HIVEP3: variants seen among roughly 807,000 people sequenced by gnomAD.
HIVEP3 encodes the protein HIVEP zinc finger 3.
HIVEP3 carries 49 observed loss-of-function variants against 152.8 expected under a neutral mutation model. That is an observed-to-expected ratio of 0.32 (90% CI 0.26 to 0.41). The LOEUF is 0.41. Among genes scored for constraint, HIVEP3 ranks in the 10% least tolerant of loss-of-function variants. The pLI, the probability that HIVEP3 is intolerant of heterozygous loss-of-function variation, is 1.00. For synonymous variants in HIVEP3, 1,269 were observed against 1,289.0 expected, an observed-to-expected ratio of 0.98 and a Z score of 0.33; for missense variants, 2,790 against 3,103.3, an observed-to-expected ratio of 0.90 and a Z score of 2.40.
At chr1:41,919,780 C>A (rs887229100), upstream of HIVEP3, among the ~76,000 whole-genome samples, 4 of 152,148 alleles carry the variant, frequency 2.6e-5, no homozygotes, top group Non-Finnish European at 5.9e-5. Context: ...GTGTTTACTG[C>A]AGTTTTGTTC....
At chr1:41,529,000 T>C (rs1329334964) in intron 5 of HIVEP3, among the ~76,000 whole-genome samples, 2 of 93,110 alleles carry the variant, frequency 2.1e-5, no homozygotes, top group Non-Finnish European at 4.3e-5. Context: ...TTCACATCCC[T>C]GCCCTCACAC....
intron 1 of HIVEP3, among the ~76,000 whole-genome samples, chr1:41,759,142 A>G (rs1240958869): frequency 1.3e-5 from 2 of 149,062 alleles, no homozygotes; most frequent in Non-Finnish European, 3.0e-5. Flanking sequence ...TCTGCTTTCT[A>G]TTAGGTTGGT....
chr1:41,899,315 T>C (rs1291788842), intron 1 of HIVEP3, among the ~76,000 whole-genome samples: 1 of 152,238 alleles, frequency 6.6e-6, no homozygotes, highest in East Asian at 1.9e-4. Context: ...GAGTAGGATG[T>C]CTACCTAAAA....
intron 1 of HIVEP3, among the ~76,000 whole-genome samples, chr1:41,946,906 C>T (rs750562332): frequency 3.3e-5 from 5 of 152,100 alleles, no homozygotes; most frequent in Non-Finnish European, 7.4e-5. Flanking sequence ...AGAAACCCAA[C>T]GGACAGTGGA....
intron 1 of HIVEP3, among the ~76,000 whole-genome samples, chr1:41,841,989 A>G (rs1157187149): frequency 6.6e-6 from 1 of 152,102 alleles, no homozygotes; most frequent in Non-Finnish European, 1.5e-5. Flanking sequence ...GCTACTCAGG[A>G]GGCTGAGGCA....
chr1:41,506,814 C>T lies in HIVEP3; in HGVS notation c.*3637G>A, dbSNP rs765318022. The T allele has an allele frequency of 6.6e-5, 10 of 152,044 alleles. No individual in the cohort carries two copies. The highest frequency in any genetic ancestry group is 9.7e-5 in the African/African-American group (4 of 41,386). 9.4% of individuals were successfully genotyped at this position (152,044 alleles called of 1,614,324 possible). On this transcript the variant is annotated 3_prime_UTR_variant, in exon 9 of 9. Coordinates refer to ENST00000372583, the MANE Select transcript of HIVEP3 (RefSeq NM_024503.5). Reference sequence around the variant, plus strand: ...TACAGACAATTTCACATACAGAATACGTACACCTTTTAGAAAAAAAGGCAA... The same window carrying T: ...TACAGACAATTTCACATACAGAATATGTACACCTTTTAGAAAAAAAGGCAA...
In HIVEP3 at chr1:41,837,194, T is replaced by C. The variant is rs79763599; in HGVS notation, c.-801+81219A>G. On this transcript the variant is annotated intron_variant, in intron 1 of 8. Transcript: ENST00000372583. Reference sequence around the variant, plus strand: ...TGCTAGGAATACTCTTCCCGACACATCTGCACAGCTGCTTCCATCTCATTT... The same window carrying C: ...TGCTAGGAATACTCTTCCCGACACACCTGCACAGCTGCTTCCATCTCATTT... Among the ~76,000 whole-genome samples the C allele has an allele frequency of 8.7e-4, 132 of 152,310 alleles. 1 individual carries two copies. In the East Asian group the frequency reaches 0.024, roughly 28 times the overall value.
intron 1 of HIVEP3, among the ~76,000 whole-genome samples, chr1:41,902,204 C>T (rs183968297): frequency 1.1e-3 from 172 of 152,254 alleles, no homozygotes; most frequent in African/African-American, 3.8e-3. Flanking sequence ...GAATTTGAGG[C>T]ATTTTCTGGT....
chr1:41,819,574 C>G (rs189608781), intron 1 of HIVEP3, among the ~76,000 whole-genome samples: 18 of 152,246 alleles, frequency 1.2e-4, no homozygotes, highest in African/African-American at 4.1e-4. Flanking sequence ...GAAATTCATT[C>G]AAATATATAA....
intron 1 of HIVEP3, among the ~76,000 whole-genome samples, chr1:41,736,937 C>T (rs1238513278): frequency 6.6e-6 from 1 of 152,152 alleles, no homozygotes; most frequent in African/African-American, 2.4e-5. Context: ...TATAGTCACT[C>T]CAGGGCTGAC....
chr1:41,798,905 G>A (rs142697268), intron 1 of HIVEP3, among the ~76,000 whole-genome samples: 1 of 152,078 alleles, frequency 6.6e-6, no homozygotes, highest in Admixed American at 6.5e-5. Flanking sequence ...ATATCATGTA[G>A]GGTTGGGTTA....
intron 5 of HIVEP3, among the ~76,000 whole-genome samples, chr1:41,566,384 G>A (rs1380035969): frequency 1.3e-5 from 2 of 152,070 alleles, no homozygotes; most frequent in Non-Finnish European, 2.9e-5. Context: ...GCCCCTGCAG[G>A]TCCCCAGGGC....
intron 2 of HIVEP3, among the ~76,000 whole-genome samples, chr1:41,694,648 C>G (rs782656): frequency 0.012 from 1,767 of 152,302 alleles, 21 homozygotes; most frequent in African/African-American, 0.04. Flanking sequence ...GTGCAACATG[C>G]CCCAACACCT....
rs1644400914 is a variant in HIVEP3 at position 41,581,215 on chromosome 1, G to GCCAGTT, written c.3582_3583insAACTGG (p.Gln1194_Pro1195insAsnTrp). ...AGTTGGCCTGGGTGCAGAACAGTAG[G>GCCAGTT]CTGGAGAGGAAGCGGTGGGGCTTGA... On this transcript the variant is annotated inframe_insertion, in exon 4 of 9. Coordinates refer to ENST00000372583, the MANE Select transcript of HIVEP3 (RefSeq NM_024503.5). This position sits in a 1 kb window ranked among gnomAD's most constrained non-coding sequence, Gnocchi z 4.5. 1 of 1,571,332 alleles carries GCCAGTT rather than the reference G, an allele frequency of 6.4e-7. No homozygotes were observed. Among genetic ancestry groups the GCCAGTT allele is most frequent in the Non-Finnish European group, 8.6e-7 (1 of 1,158,496 alleles).
intron 5 of HIVEP3, among the ~76,000 whole-genome samples, chr1:41,565,551 C>CAG (rs1471611374): frequency 5.7e-4 from 77 of 134,254 alleles, no homozygotes; most frequent in Middle Eastern, 3.5e-3. Flanking sequence ...CACACACACA[C>CAG]ACACAGAGAG....
rs187921927 is a variant in HIVEP3 at position 41,750,790 on chromosome 1, C to T, written c.-800-49795G>A. ...CTCAGCTCACTGCAACCTCTGCCTC[C>T]TGGATTCAAGTGATTCTCCTGCCTC... On this transcript the variant is annotated intron_variant, in intron 1 of 8. Transcript: ENST00000372583. 2.6e-5 allele frequency among the ~76,000 whole-genome samples: 4 copies of T among 152,200 alleles called. No individual in the cohort carries two copies. In the East Asian group the frequency reaches 5.8e-4, roughly 22 times the overall value.
At chr1:41,815,553 G>C (rs1478247648) in intron 1 of HIVEP3, among the ~76,000 whole-genome samples, 1 of 152,144 alleles carries the variant, frequency 6.6e-6, no homozygotes, top group African/African-American at 2.4e-5. Context: ...AGGTAGGAAT[G>C]GGAATGGTCA....
chr1:41,898,542 G>T (rs912342555), intron 1 of HIVEP3, among the ~76,000 whole-genome samples: 1 of 152,248 alleles, frequency 6.6e-6, no homozygotes, highest in African/African-American at 2.4e-5. Flanking sequence ...GGGCTGAGAT[G>T]CATCTTCAGG....
intron 5 of HIVEP3, among the ~76,000 whole-genome samples, chr1:41,530,579 A>C (rs1643215700): frequency 6.6e-6 from 1 of 152,030 alleles, no homozygotes; most frequent in African/African-American, 2.4e-5. Context: ...ACTAGCCTTC[A>C]CCTGGCCTTG....
Sources: allele counts gnomAD v4.1 joint callset (sites outside exome capture counted in the v4.1 genomes callset), GRCh38; gene constraint gnomAD v4.1.1; non-coding constraint Gnocchi (gnomAD v3.1); transcripts MANE v1.5; gene names NCBI Gene and HGNC (gene_info 2026-07-23, HGNC 2026-07-21).